The following CHST8 variants were observed in gnomAD, a reference collection of about 807,000 sequenced individuals.
The protein encoded by CHST8 is GALNAC-4-ST1.
A neutral mutation model predicts 15.0 loss-of-function variants in CHST8; 10 were observed. That is an observed-to-expected ratio of 0.67 (90% CI 0.41 to 1.13). The LOEUF is 1.13. Among genes scored for constraint, CHST8 ranks in the 50% most tolerant of loss-of-function variants. The probability of loss-of-function intolerance (pLI) is 0.00; values close to 1 mark genes in which losing one functional copy is unlikely to be tolerated. For synonymous variants in CHST8, 259 were observed against 256.6 expected (o/e 1.01, Z -0.09); for missense variants, 634 against 608.2 (o/e 1.04, Z -0.45).
chr19:33,757,803 T>C (rs1599631363), intron 3 of CHST8, among the ~76,000 whole-genome samples: 1 of 152,132 alleles, frequency 6.6e-6, no homozygotes, highest in East Asian at 1.9e-4. Context: ...GCAATCCTCC[T>C]GCCCCAGCCT....
intron 1 of CHST8, among the ~76,000 whole-genome samples, chr19:33,643,113 A>G (rs1033903141): frequency 1.3e-5 from 2 of 152,230 alleles, no homozygotes; most frequent in Non-Finnish European, 2.9e-5. Flanking sequence ...GAAGTGGAAT[A>G]GTTGTCTCAA....
chr19:33,773,267 T>G lies in CHST8; in HGVS notation c.*204T>G. On this transcript the variant is annotated 3_prime_UTR_variant, in exon 5 of 5. Coordinates refer to ENST00000650847, the MANE Select transcript of CHST8 (RefSeq NM_001127895.2). Reference sequence around the variant, plus strand: ...ACCCCAGCCCCTGGCCTGTACCTGTTTCCTCATTCCTTGGCTGAGGGAGAG... The same window carrying G: ...ACCCCAGCCCCTGGCCTGTACCTGTGTCCTCATTCCTTGGCTGAGGGAGAG... 1.7e-6 allele frequency: 1 copy of G among 600,922 alleles called. No individual in the cohort carries two copies. Among genetic ancestry groups the G allele is most frequent in the Non-Finnish European group, 2.9e-6 (1 of 346,246 alleles). 37.2% of individuals were successfully genotyped at this position (600,922 alleles called of 1,614,324 possible). A position where few individuals can be genotyped will look rare whatever the true frequency, so the allele number is the denominator to read the frequency against.
intron 1 of CHST8, among the ~76,000 whole-genome samples, chr19:33,653,074 CCA>C (rs1218158423): frequency 6.6e-6 from 1 of 152,098 alleles, no homozygotes; most frequent in Non-Finnish European, 1.5e-5. Flanking sequence ...CAGCTGTTTA[CCA>C]GTTTCTTTTC....
intron 2 of CHST8, among the ~76,000 whole-genome samples, chr19:33,680,947 A>G (rs1396493293): frequency 6.6e-6 from 1 of 152,214 alleles, no homozygotes; most frequent in Non-Finnish European, 1.5e-5. Context: ...GAAATAATGC[A>G]GAGAAATCCC....
intron 3 of CHST8, among the ~76,000 whole-genome samples, chr19:33,695,416 CT>C (rs1973190404): frequency 6.6e-6 from 1 of 152,138 alleles, no homozygotes; most frequent in South Asian, 2.1e-4. Context: ...TCATTTACTA[CT>C]TTTAAAATTT....
At chr19:33,687,558 T>C (rs553389006) in intron 2 of CHST8, among the ~76,000 whole-genome samples, 61 of 152,264 alleles carry the variant, frequency 4.0e-4, no homozygotes, top group African/African-American at 1.4e-3. Context: ...AGGAACCAAC[T>C]GCTCGGCACA....
At chr19:33,656,421 T>C (rs915312537) in intron 1 of CHST8, among the ~76,000 whole-genome samples, 1 of 152,226 alleles carries the variant, frequency 6.6e-6, no homozygotes, top group Non-Finnish European at 1.5e-5. Flanking sequence ...AATAGGGAGA[T>C]TATTTGTCCA....
chr19:33,723,879 G>A (rs374877768), intron 3 of CHST8, among the ~76,000 whole-genome samples: 2 of 152,202 alleles, frequency 1.3e-5, no homozygotes, highest in South Asian at 2.1e-4. Context: ...TCCTTTGGCA[G>A]GAGGATCCCA....
chr19:33,679,502 A>G (rs1373964512), intron 2 of CHST8, among the ~76,000 whole-genome samples: 1 of 152,214 alleles, frequency 6.6e-6, no homozygotes, highest in Non-Finnish European at 1.5e-5. Flanking sequence ...GTGCACACGC[A>G]TGCGTGTCTG....
chr19:33,642,025 C>T (rs918220699), intron 1 of CHST8, among the ~76,000 whole-genome samples: 8 of 152,202 alleles, frequency 5.3e-5, no homozygotes, highest in African/African-American at 1.2e-4. Context: ...GGATGATTTC[C>T]GCCTGGAGGA....
chr19:33,622,656 G>A (rs1344737583), intron 1 of CHST8, among the ~76,000 whole-genome samples: 1 of 152,178 alleles, frequency 6.6e-6, no homozygotes, highest in Admixed American at 6.5e-5. Context: ...CGGGCGCTGA[G>A]CAGCGAGCGC....
chr19:33,770,159 G>A (rs768219974), intron 3 of CHST8, among the ~76,000 whole-genome samples: 1 of 152,192 alleles, frequency 6.6e-6, no homozygotes, highest in East Asian at 1.9e-4. Context: ...CTCTGGCTCA[G>A]GGAAGACCTG....
At chr19:33,732,801 A>G (rs1974019034) in intron 3 of CHST8, among the ~76,000 whole-genome samples, 1 of 152,146 alleles carries the variant, frequency 6.6e-6, no homozygotes, top group African/African-American at 2.4e-5. Flanking sequence ...AGGAAGAGAC[A>G]AAGCATGAGC....
chr19:33,768,311 G>A (rs943989006), intron 3 of CHST8, among the ~76,000 whole-genome samples: 1 of 152,012 alleles, frequency 6.6e-6, no homozygotes, highest in Admixed American at 6.6e-5. Flanking sequence ...ATGGTGGCTC[G>A]CACCTATAAT....
At chr19:33,726,035 T>C (rs924239715) in intron 3 of CHST8, among the ~76,000 whole-genome samples, 3 of 152,210 alleles carry the variant, frequency 2.0e-5, no homozygotes, top group Admixed American at 1.3e-4. Context: ...AGGGGCTTCT[T>C]GCATTCTCCC....
intron 3 of CHST8, among the ~76,000 whole-genome samples, chr19:33,713,872 A>C (rs1212430896): frequency 1.4e-5 from 2 of 141,842 alleles, no homozygotes; most frequent in Non-Finnish European, 3.0e-5. Flanking sequence ...GGGGGTTTTG[A>C]ACCTGCCACT....
At chr19:33,669,387 C>A (rs576870476) in intron 2 of CHST8, among the ~76,000 whole-genome samples, 1 of 152,154 alleles carries the variant, frequency 6.6e-6, no homozygotes, top group African/African-American at 2.4e-5. Flanking sequence ...GCAAAGATGG[C>A]GACGTGCACC....
chr19:33,677,996 T>C (rs1180950684), intron 2 of CHST8, among the ~76,000 whole-genome samples: 2 of 152,090 alleles, frequency 1.3e-5, no homozygotes, highest in East Asian at 3.9e-4. Flanking sequence ...CTGTCCAGGC[T>C]ACAGGTGCTG....
chr19:33,765,283 C>T (rs1974811401), intron 3 of CHST8, among the ~76,000 whole-genome samples: 1 of 151,908 alleles, frequency 6.6e-6, no homozygotes, highest in Non-Finnish European at 1.5e-5. Flanking sequence ...GAAGCATCAG[C>T]CCGTACCCAA....
Sources: allele counts gnomAD v4.1 joint callset (sites outside exome capture counted in the v4.1 genomes callset), GRCh38; gene constraint gnomAD v4.1.1; transcripts MANE v1.5; gene names NCBI Gene and HGNC (gene_info 2026-07-23, HGNC 2026-07-21).